The following POLE2 variants were observed in gnomAD, a reference collection of about 807,000 sequenced individuals.
The protein encoded by POLE2 is DNA polymerase epsilon subunit 2.
In POLE2, 56 loss-of-function variants were observed where a neutral mutation model predicts 79.4. The ratio of observed to expected loss-of-function variants is 0.71; its 90% CI spans 0.57 to 0.88. The LOEUF (loss-of-function observed/expected upper bound fraction) is 0.88, where lower values mean the gene tolerates loss of function less well. Among genes scored for constraint, POLE2 ranks in the 40% least tolerant of loss-of-function variants. The probability of loss-of-function intolerance (pLI) is 0.00; values close to 1 mark genes in which losing one functional copy is unlikely to be tolerated. For synonymous variants in POLE2, 212 were observed against 214.0 expected (o/e 0.99, Z 0.08); for missense variants, 598 against 638.9 (o/e 0.94, Z 0.69).
intron 5 of POLE2, among the ~76,000 whole-genome samples, chr14:49,671,772 T>G (rs937300190): frequency 6.6e-6 from 1 of 151,706 alleles, no homozygotes; most frequent in Admixed American, 6.6e-5. Context: ...CTGGCCAACA[T>G]GGTGAAACCC....
Position 49,650,413 on chromosome 14 carries a change from T to C in POLE2, c.1349A>G (p.His450Arg), listed in dbSNP as rs1195029072. The C allele has an allele frequency of 1.3e-6, 2 of 1,555,064 alleles. No homozygotes were observed. Among genetic ancestry groups the C allele is most frequent in the Non-Finnish European group, 1.7e-6 (2 of 1,147,962 alleles). ...GACATAAAGAGGTAGGGGAGTCAGATGTCCTTGGGATAAGATAGTCTTTAC... is the reference window on the plus strand; with the variant it reads ...GACATAAAGAGGTAGGGGAGTCAGACGTCCTTGGGATAAGATAGTCTTTAC... ...HFVKTILSQG[H>R]LTPLPLYVCP... Residue 450 changes from histidine (H) to arginine (R), a missense_variant, in exon 17 of 19, where the codon CAT (histidine) becomes CGT (arginine). By Grantham distance (29) the His-to-Arg change is conservative. Transcript: ENST00000216367.
At chr14:49,678,256 G>T (rs2139681249) in intron 3 of POLE2, among the ~76,000 whole-genome samples, 1 of 152,166 alleles carries the variant, frequency 6.6e-6, no homozygotes, top group African/African-American at 2.4e-5. Context: ...GCCCACCTCG[G>T]CCTCCCAAAG....
At chr14:49,650,930 A>G (rs912418217) in intron 16 of POLE2, among the ~76,000 whole-genome samples, 1 of 152,232 alleles carries the variant, frequency 6.6e-6, no homozygotes, top group Non-Finnish European at 1.5e-5. Context: ...TACTATATAA[A>G]ATATGTAACC....
In POLE2 at chr14:49,688,148, A is replaced by G; in HGVS notation, c.56T>C (p.Leu19Ser). ...RALSAFKLRG[L>S]LLRGEAIKYL... ...CGAGCCCACTCACCCACGGAGCAGC[A>G]AGCCCCGCAACTTGAAGGCGGAGAG... The change falls in exon 1 of 19, where the codon TTG becomes TCG. Residue 19 changes from leucine to serine, a missense_variant. Leu to Ser is a moderately radical substitution (Grantham distance 145). Coordinates refer to ENST00000216367, the MANE Select transcript of POLE2 (RefSeq NM_002692.4). 1 of 1,557,368 alleles carries G rather than the reference A, an allele frequency of 6.4e-7. No homozygotes were observed. Among genetic ancestry groups the G allele is most frequent in the Non-Finnish European group, 8.7e-7 (1 of 1,152,810 alleles).
intron 5 of POLE2, 82 bp downstream of exon 5, chr14:49,674,041 C>T (rs1258582773): frequency 1.2e-6 from 1 of 845,928 alleles, no homozygotes; most frequent in South Asian, 1.4e-5. Context: ...TTTAAATATC[C>T]CTGAGATTTC....
At chr14:49,666,244 C>T in intron 7 of POLE2, 86 bp downstream of exon 7, 1 of 710,850 alleles carries the variant, frequency 1.4e-6, no homozygotes, top group Non-Finnish European at 2.5e-6. Context: ...AGAATACATT[C>T]CTGTGCCCAC....
In POLE2 at chr14:49,647,327, CTT is replaced by C. The variant is rs781382506; in HGVS notation, c.1529_1530del (p.Lys510SerfsTer6). On this transcript the variant is annotated frameshift_variant, in exon 18 of 19. Coordinates refer to ENST00000216367, the MANE Select transcript of POLE2 (RefSeq NM_002692.4). LOFTEE classifies it high-confidence loss of function. ...ACTGTCTTATTAGAAGGATAAAAAA[CTT>C]TGAATGAAAATCCACTTCTTGGAAA... Reference protein sequence around the residue: ...GSFPRSGFSFKVFYPSNKTVE... With the variant: ...GSFPRSGFSFXVFYPSNKTVE... 83 of 1,576,058 alleles carry C rather than the reference CTT, an allele frequency of 5.3e-5. No individual in the cohort carries two copies. The highest frequency in any genetic ancestry group is 6.3e-5 in the Non-Finnish European group (73 of 1,157,808).
intron 10 of POLE2, among the ~76,000 whole-genome samples, chr14:49,660,658 G>A (rs1029475640): frequency 2.0e-5 from 3 of 152,078 alleles, no homozygotes; most frequent in Non-Finnish European, 4.4e-5. Context: ...CTGGGAGGCC[G>A]AGGCCAGTGG....
At chr14:49,687,354 A>G (rs993985951) in intron 1 of POLE2, among the ~76,000 whole-genome samples, 2 of 151,588 alleles carry the variant, frequency 1.3e-5, no homozygotes, top group African/African-American at 4.8e-5. Flanking sequence ...ATAGAACTCT[A>G]AAACACGGAG....
At chr14:49,670,894 C>G (rs1885836665) in intron 5 of POLE2, among the ~76,000 whole-genome samples, 1 of 152,168 alleles carries the variant, frequency 6.6e-6, no homozygotes, top group African/African-American at 2.4e-5. Context: ...ATTCCTTTTT[C>G]AGTTTTAATC....
Position 49,654,086 on chromosome 14 carries a change from T to C in POLE2, c.1134-19A>G. On this transcript the variant is annotated intron_variant, in intron 14 of 18. Coordinates refer to ENST00000216367, the MANE Select transcript of POLE2 (RefSeq NM_002692.4). Reference sequence around the variant, plus strand: ...TGGTGGCCTATAAAAACAATTTATGTGATATAGTTTATCTTTTTAAGTTTT... The same window carrying C: ...TGGTGGCCTATAAAAACAATTTATGCGATATAGTTTATCTTTTTAAGTTTT... The C allele has an allele frequency of 6.3e-7, 1 of 1,584,270 alleles. No homozygotes were observed. The highest frequency in any genetic ancestry group is 8.7e-7 in the Non-Finnish European group (1 of 1,154,562).
At chr14:49,648,683 C>G (rs940284602) in intron 17 of POLE2, among the ~76,000 whole-genome samples, 1 of 152,126 alleles carries the variant, frequency 6.6e-6, no homozygotes, top group Non-Finnish European at 1.5e-5. Context: ...TGGACAGAGG[C>G]CAGGGATGCT....
At chr14:49,686,402 C>A (rs561278031) in intron 1 of POLE2, among the ~76,000 whole-genome samples, 1 of 152,320 alleles carries the variant, frequency 6.6e-6, no homozygotes, top group South Asian at 2.1e-4. Context: ...CTCCAGCCAA[C>A]AGCCTGCCAG....
At chr14:49,679,410 CT>C (rs1886537485) in intron 3 of POLE2, 1 of 228,516 alleles carries the variant, frequency 4.4e-6, no homozygotes, top group Admixed American at 5.4e-5. Flanking sequence ...AATTATACTT[CT>C]GAATATTCAT....
At chr14:49,647,861 G>C (rs45585747) in intron 17 of POLE2, among the ~76,000 whole-genome samples, 4 of 152,140 alleles carry the variant, frequency 2.6e-5, no homozygotes, top group Non-Finnish European at 5.9e-5. Context: ...ATTTTTACAC[G>C]ATCTTTTTAC....
At chr14:49,657,805 A>C (rs1270258868) in intron 10 of POLE2, among the ~76,000 whole-genome samples, 1 of 152,176 alleles carries the variant, frequency 6.6e-6, no homozygotes, top group South Asian at 2.1e-4. Context: ...ATTGGCAAAC[A>C]CTGAACCATT....
intron 10 of POLE2, among the ~76,000 whole-genome samples, chr14:49,661,966 G>T (rs956004139): frequency 6.6e-6 from 1 of 152,134 alleles, no homozygotes. Context: ...TAAACTCACA[G>T]CCAGCCAACT....
intron 18 of POLE2, among the ~76,000 whole-genome samples, chr14:49,645,753 C>T (rs1883714474): frequency 6.6e-6 from 1 of 152,214 alleles, no homozygotes; most frequent in African/African-American, 2.4e-5. Flanking sequence ...ACCTCAGTCT[C>T]CCCAGTACCT....
rs1024755639 is a variant in POLE2 at position 49,688,183 on chromosome 14, C to A, written c.21G>T (p.Arg7=). Residue 7 remains arginine (R), a synonymous_variant, in exon 1 of 19, where the codon CGG becomes CGT. Transcript: ENST00000216367. ...ACTTGAAGGCGGAGAGCGCCCGGCT[C>A]CGCAGCCGCTCCGGCGCCATATTTG... The part of the protein sequence containing the change: MAPERL[R]SRALSAFKLR... The A allele has an allele frequency of 5.8e-6, 9 of 1,541,180 alleles. No homozygotes were observed. The Middle Eastern group carries it at 7.2e-4, about 124-fold the overall frequency.
Sources: allele counts gnomAD v4.1 joint callset (sites outside exome capture counted in the v4.1 genomes callset), GRCh38; gene constraint gnomAD v4.1.1; transcripts MANE v1.5; gene names NCBI Gene and HGNC (gene_info 2026-07-23, HGNC 2026-07-21).